Variants in DPYD observed in about 807,000 individuals in gnomAD.
The protein encoded by DPYD is dihydropyrimidine dehydrogenase [NADP(+)].
A neutral mutation model predicts 116.2 loss-of-function variants in DPYD; 109 were observed. That is an observed-to-expected ratio of 0.94 (90% CI 0.80 to 1.10). DPYD has a LOEUF of 1.10. DPYD is among the 50% of genes least tolerant of loss of function. DPYD has a pLI of 0.00. For synonymous variants in DPYD, 440 were observed against 432.0 expected, an observed-to-expected ratio of 1.02 and a Z score of -0.23; for missense variants, 1,302 against 1,254.5, an observed-to-expected ratio of 1.04 and a Z score of -0.57.
intron 14 of DPYD, among the ~76,000 whole-genome samples, chr1:97,424,569 T>G (rs1213977421): frequency 6.6e-6 from 1 of 152,118 alleles, no homozygotes; most frequent in African/African-American, 2.4e-5. Context: ...GCTATGTGTC[T>G]TTATCATTTC....
At chr1:97,837,197 A>G (rs565795524) in intron 2 of DPYD, among the ~76,000 whole-genome samples, 2 of 152,202 alleles carry the variant, frequency 1.3e-5, no homozygotes, top group African/African-American at 4.8e-5. Context: ...GTCTGTTTTT[A>G]ATAATTTTTC....
intron 12 of DPYD, among the ~76,000 whole-genome samples, chr1:97,535,757 T>A (rs1011978908): frequency 3.9e-5 from 6 of 152,180 alleles, no homozygotes; most frequent in Non-Finnish European, 5.9e-5. Context: ...GATAGCTCCA[T>A]TAGGTACAGC....
At chr1:97,818,429 A>G (rs1668746216) in intron 3 of DPYD, among the ~76,000 whole-genome samples, 1 of 152,028 alleles carries the variant, frequency 6.6e-6, no homozygotes, top group Non-Finnish European at 1.5e-5. Context: ...TATGTAATCA[A>G]TATTTCTCAC....
intron 14 of DPYD, among the ~76,000 whole-genome samples, chr1:97,415,580 C>T (rs1444116522): frequency 6.6e-6 from 1 of 152,116 alleles, no homozygotes; most frequent in Admixed American, 6.5e-5. Context: ...CCTTGGTCTC[C>T]CAAAGTGCTG....
intron 10 of DPYD, among the ~76,000 whole-genome samples, chr1:97,579,940 G>A (rs1467897568): frequency 2.0e-5 from 3 of 152,164 alleles, no homozygotes; most frequent in Non-Finnish European, 2.9e-5. Context: ...GGCTGATGCT[G>A]AGTGAAATAA....
chr1:97,652,201 A>G (rs1312851807), intron 8 of DPYD, among the ~76,000 whole-genome samples: 2 of 152,166 alleles, frequency 1.3e-5, no homozygotes, highest in African/African-American at 4.8e-5. Context: ...GCTCAAGAGT[A>G]CAGATGCTGC....
intron 20 of DPYD, among the ~76,000 whole-genome samples, chr1:97,137,273 G>A (rs942511162): frequency 2.0e-5 from 3 of 152,172 alleles, no homozygotes; most frequent in Admixed American, 2.0e-4. Context: ...AATGCTTTCA[G>A]CATATTCAGT....
chr1:97,462,215 A>T (rs918959730), intron 13 of DPYD, among the ~76,000 whole-genome samples: 5 of 152,238 alleles, frequency 3.3e-5, no homozygotes, highest in Admixed American at 6.5e-5. Flanking sequence ...TTACTACAGA[A>T]AAAAATGAAT....
intron 14 of DPYD, among the ~76,000 whole-genome samples, chr1:97,399,406 C>A (rs1673223511): frequency 1.3e-5 from 2 of 152,232 alleles, no homozygotes; most frequent in South Asian, 4.1e-4. Context: ...GTTCTTTTGG[C>A]TTAGGATTGA....
intron 2 of DPYD, among the ~76,000 whole-genome samples, chr1:97,873,618 T>G (rs1671766253): frequency 7.0e-6 from 1 of 143,808 alleles, no homozygotes; most frequent in Non-Finnish European, 1.6e-5. Flanking sequence ...GATTGAGCAA[T>G]TCACTTATCT....
At chr1:97,383,677 T>C (rs1672124631) in intron 14 of DPYD, among the ~76,000 whole-genome samples, 1 of 152,118 alleles carries the variant, frequency 6.6e-6, no homozygotes, top group Non-Finnish European at 1.5e-5. Flanking sequence ...ATATAGCTGA[T>C]AAGGAACAGC....
intron 20 of DPYD, among the ~76,000 whole-genome samples, chr1:97,110,363 C>T (rs1377642524): frequency 6.6e-6 from 1 of 152,090 alleles, no homozygotes; most frequent in Non-Finnish European, 1.5e-5. Context: ...CTTTCACCCT[C>T]TGTCTTCTCT....
intron 20 of DPYD, among the ~76,000 whole-genome samples, chr1:97,186,837 G>A (rs996338554): frequency 5.3e-5 from 8 of 152,074 alleles, no homozygotes; most frequent in African/African-American, 1.9e-4. Flanking sequence ...GACAGAGCAA[G>A]ACTGTGTCTC....
intron 4 of DPYD, among the ~76,000 whole-genome samples, chr1:97,729,400 T>C (rs1280609088): frequency 6.6e-6 from 1 of 152,172 alleles, no homozygotes; most frequent in African/African-American, 2.4e-5. Context: ...TGTGCATGGA[T>C]AAGATGCCTA....
intron 8 of DPYD, among the ~76,000 whole-genome samples, chr1:97,611,179 T>G (rs1655921924): frequency 6.6e-6 from 1 of 152,060 alleles, no homozygotes; most frequent in Non-Finnish European, 1.5e-5. Flanking sequence ...GAGGAGCAAG[T>G]CACATCTTAC....
chr1:97,287,587 T>G (rs1303438630), intron 18 of DPYD, among the ~76,000 whole-genome samples: 1 of 152,206 alleles, frequency 6.6e-6, no homozygotes, highest in Non-Finnish European at 1.5e-5. Flanking sequence ...TCCACCCAGT[T>G]GGAGCTTTCT....
At chr1:97,458,204 A>G (rs1298547911) in intron 13 of DPYD, among the ~76,000 whole-genome samples, 1 of 152,150 alleles carries the variant, frequency 6.6e-6, no homozygotes, top group Non-Finnish European at 1.5e-5. Flanking sequence ...AGTGATAAAT[A>G]TTTTTTAAAA....
At chr1:97,641,514 A>G (rs900265602) in intron 8 of DPYD, among the ~76,000 whole-genome samples, 1 of 152,194 alleles carries the variant, frequency 6.6e-6, no homozygotes, top group South Asian at 2.1e-4. Flanking sequence ...GATTATCTCA[A>G]TAGATGCAGA....
chr1:97,230,255 T>G (rs1661494891), intron 19 of DPYD, among the ~76,000 whole-genome samples: 1 of 152,162 alleles, frequency 6.6e-6, no homozygotes, highest in South Asian at 2.1e-4. Context: ...AATGATAGAC[T>G]GGATAAAGAA....
Sources: gnomAD v4.1 joint callset for allele counts (sites outside exome capture counted in the v4.1 genomes callset) on GRCh38, gnomAD v4.1.1 for gene constraint, MANE v1.5 for transcripts, NCBI Gene and HGNC (gene_info 2026-07-23, HGNC 2026-07-21) for gene names.